INPP5A: variants seen among roughly 807,000 people sequenced by gnomAD.
INPP5A encodes the protein 43 kDa inositol polyphosphate 5-phophatase.
A neutral mutation model predicts 65.2 loss-of-function variants in INPP5A; 14 were observed. That is an observed-to-expected ratio of 0.21 (90% CI 0.14 to 0.34). The LOEUF (loss-of-function observed/expected upper bound fraction) is 0.34, where lower values mean the gene tolerates loss of function less well. INPP5A is among the 10% of genes least tolerant of loss of function. The pLI is 1.00. For missense variants in INPP5A, 431 were observed against 545.6 expected, an observed-to-expected ratio of 0.79 and a Z score of 2.09; for synonymous variants, 207 against 208.3, an observed-to-expected ratio of 0.99 and a Z score of 0.05.
chr10:132,563,370 G>A (rs902795657), intron 1 of INPP5A, among the ~76,000 whole-genome samples: 1 of 152,196 alleles, frequency 6.6e-6, no homozygotes, highest in Admixed American at 6.5e-5. Flanking sequence ...GGTGCTGCGG[G>A]AGCCTTTTCT....
chr10:132,638,932 C>CAT (rs1317145307), intron 2 of INPP5A, among the ~76,000 whole-genome samples: 2 of 152,090 alleles, frequency 1.3e-5, no homozygotes, highest in African/African-American at 2.4e-5. Flanking sequence ...ATATAAGTTA[C>CAT]ATATATATAT....
intron 1 of INPP5A, among the ~76,000 whole-genome samples, chr10:132,558,130 G>A (rs538362961): frequency 9.3e-4 from 141 of 152,306 alleles, no homozygotes; most frequent in Admixed American, 2.4e-3. Context: ...TGGAGGCTCC[G>A]CAGGGCAGGT....
chr10:132,761,145 C>T (rs1395065423), intron 11 of INPP5A, among the ~76,000 whole-genome samples: 2 of 152,346 alleles, frequency 1.3e-5, no homozygotes, highest in South Asian at 2.1e-4. Flanking sequence ...CTGCAGAGGT[C>T]ATGGCGTCTT....
rs1447474227 is a variant in INPP5A, at chr10:132,782,262, T to G, written c.*233T>G. ...AGTAGAAATATTGGTTTTTTTTTTT[T>G]TTTTTTAAATAAGTCACAGTCCTGT... On this transcript the variant is annotated 3_prime_UTR_variant, in exon 16 of 16. Coordinates refer to ENST00000368594, the MANE Select transcript of INPP5A (RefSeq NM_005539.5). This position sits in a 1 kb window ranked among gnomAD's most constrained non-coding sequence, Gnocchi z 4.4. 6.7e-6 allele frequency: 3 copies of G among 447,494 alleles called. No homozygotes were observed. The East Asian group carries it at 1.8e-4, about 26-fold the overall frequency. 27.7% of individuals were successfully genotyped at this position (447,494 alleles called of 1,614,324 possible). A position where few individuals can be genotyped will look rare whatever the true frequency, so the allele number is the denominator to read the frequency against.
chr10:132,606,716 C>A (rs1420909115), intron 1 of INPP5A, among the ~76,000 whole-genome samples: 1 of 152,190 alleles, frequency 6.6e-6, no homozygotes, highest in Non-Finnish European at 1.5e-5. Flanking sequence ...GAGTCTGGGC[C>A]CAGCTGCACT....
At chr10:132,623,470 T>C (rs559923658) in intron 2 of INPP5A, among the ~76,000 whole-genome samples, 1 of 152,044 alleles carries the variant, frequency 6.6e-6, no homozygotes, top group East Asian at 1.9e-4. Flanking sequence ...ATTTTAATAC[T>C]TTATACCATA....
chr10:132,703,453 CAT>C (rs1228754086), intron 6 of INPP5A, among the ~76,000 whole-genome samples: 2 of 147,492 alleles, frequency 1.4e-5, no homozygotes, highest in South Asian at 2.2e-4. Flanking sequence ...CCCCCACACA[CAT>C]GCTTCACCCA....
intron 1 of INPP5A, among the ~76,000 whole-genome samples, chr10:132,560,077 G>C (rs926085653): frequency 5.9e-5 from 9 of 151,676 alleles, no homozygotes; most frequent in African/African-American, 2.2e-4. Flanking sequence ...AGACCTGCTT[G>C]TGGAATTGCT....
At chr10:132,594,533 G>A (rs2071660127) in intron 1 of INPP5A, among the ~76,000 whole-genome samples, 1 of 152,030 alleles carries the variant, frequency 6.6e-6, no homozygotes, top group South Asian at 2.1e-4. Context: ...CTGTGCACGG[G>A]TGGTGTGTGG....
intron 2 of INPP5A, among the ~76,000 whole-genome samples, chr10:132,640,250 T>G (rs2072408945): frequency 6.6e-6 from 1 of 152,236 alleles, no homozygotes; most frequent in African/African-American, 2.4e-5. Flanking sequence ...TGGGTGCTGG[T>G]CAGAGCCCAC....
rs1484418973 is a variant in INPP5A at position 132,727,707 on chromosome 10, T to C, written c.732+802T>C. Reference sequence around the variant, plus strand: ...CTGCCCTCACCCTCAGCCTCCCTGGTGGCCCCTCCAGGTGCTGGGCATGAG... The same window carrying C: ...CTGCCCTCACCCTCAGCCTCCCTGGCGGCCCCTCCAGGTGCTGGGCATGAG... On this transcript the variant is annotated intron_variant, in intron 9 of 15. Transcript: ENST00000368594. This position sits in a 1 kb window ranked among gnomAD's most constrained non-coding sequence, Gnocchi z 6.5. 2.0e-5 allele frequency among the ~76,000 whole-genome samples: 3 copies of C among 151,430 alleles called. No individual in the cohort carries two copies. In the East Asian group the frequency reaches 5.8e-4, roughly 29 times the overall value.
chr10:132,700,176 G>A (rs1332944388), intron 6 of INPP5A, among the ~76,000 whole-genome samples: 1 of 152,252 alleles, frequency 6.6e-6, no homozygotes, highest in Non-Finnish European at 1.5e-5. Context: ...AGGCAGAGGA[G>A]AAGGCACATT....
chr10:132,619,695 G>A (rs1435291578), intron 2 of INPP5A, among the ~76,000 whole-genome samples: 1 of 152,166 alleles, frequency 6.6e-6, no homozygotes, highest in Non-Finnish European at 1.5e-5. Context: ...TATACATCCT[G>A]TTACCCAGGC....
chr10:132,719,252 C>G (rs1845811428), intron 8 of INPP5A, among the ~76,000 whole-genome samples: 1 of 149,082 alleles, frequency 6.7e-6, no homozygotes, highest in Admixed American at 6.7e-5. Context: ...TGGGTTCTGT[C>G]TGGGCACCTT....
intron 4 of INPP5A, among the ~76,000 whole-genome samples, chr10:132,670,824 C>A (rs1385429513): frequency 6.9e-6 from 1 of 144,664 alleles, no homozygotes; most frequent in African/African-American, 2.5e-5. Flanking sequence ...AAACTGATTT[C>A]TTGGCAGTGT....
intron 4 of INPP5A, among the ~76,000 whole-genome samples, chr10:132,662,908 G>A (rs1007904391): frequency 3.9e-5 from 6 of 152,234 alleles, no homozygotes; most frequent in African/African-American, 1.4e-4. Context: ...ACGTGTGGAT[G>A]TGTCAGGACT....
intron 2 of INPP5A, among the ~76,000 whole-genome samples, chr10:132,610,573 T>C (rs960107865): frequency 6.6e-6 from 1 of 152,226 alleles, no homozygotes; most frequent in African/African-American, 2.4e-5. Context: ...CCCAGCCAGC[T>C]CGCTGCAGGG....
At chr10:132,599,678 C>T (rs1193982745) in intron 1 of INPP5A, among the ~76,000 whole-genome samples, 1 of 152,280 alleles carries the variant, frequency 6.6e-6, no homozygotes, top group Non-Finnish European at 1.5e-5. Context: ...CCCTTCTGCA[C>T]TGCCCTAGCA....
intron 8 of INPP5A, among the ~76,000 whole-genome samples, chr10:132,722,036 G>A (rs924551245): frequency 2.0e-5 from 3 of 152,200 alleles, no homozygotes; most frequent in African/African-American, 7.2e-5. Flanking sequence ...CATCTGCGAT[G>A]AACCATGCAG....
Sources: allele counts gnomAD v4.1 joint callset (sites outside exome capture counted in the v4.1 genomes callset), GRCh38; gene constraint gnomAD v4.1.1; non-coding constraint Gnocchi (gnomAD v3.1); transcripts MANE v1.5; gene names NCBI Gene and HGNC (gene_info 2026-07-23, HGNC 2026-07-21).